ZMIZ1: variants seen among roughly 807,000 people sequenced by gnomAD.
The protein encoded by ZMIZ1 is zinc finger MIZ domain-containing protein 1.
Under a neutral mutation model 113.9 loss-of-function variants are expected in ZMIZ1, and 17 were observed. The observed-to-expected ratio is 0.15, with a 90% CI of 0.10 to 0.22. ZMIZ1 has a LOEUF of 0.22. Ranked by LOEUF, ZMIZ1 falls within the 10% of genes least tolerant of loss-of-function variation. ZMIZ1 has a pLI of 1.00. For synonymous variants in ZMIZ1, 607 were observed against 603.1 expected (o/e 1.01, Z -0.09); for missense variants, 1,059 against 1,477.8 (o/e 0.72, Z 4.65).
At chr10:79,311,820 A>G (rs1855189491) in intron 24 of ZMIZ1, among the ~76,000 whole-genome samples, 1 of 151,972 alleles carries the variant, frequency 6.6e-6, no homozygotes, top group South Asian at 2.1e-4. Flanking sequence ...GGGCTGCTGG[A>G]TGGGGCTGGC....
At chr10:79,082,084 G>A (rs570893079) in intron 1 of ZMIZ1, among the ~76,000 whole-genome samples, 2 of 152,358 alleles carry the variant, frequency 1.3e-5, no homozygotes, top group East Asian at 3.9e-4. Context: ...CTGGAGTAAG[G>A]CACAGGAGAG....
At chr10:79,265,047 C>T (rs1414935954) in intron 7 of ZMIZ1, among the ~76,000 whole-genome samples, 2 of 152,196 alleles carry the variant, frequency 1.3e-5, no homozygotes, top group African/African-American at 4.8e-5. Context: ...TGGGAAACAG[C>T]ACTGACAAAA....
At chr10:79,097,634 A>G (rs1350601352) in intron 1 of ZMIZ1, among the ~76,000 whole-genome samples, 2 of 152,228 alleles carry the variant, frequency 1.3e-5, no homozygotes, top group Admixed American at 6.5e-5. Flanking sequence ...TCAGATCACA[A>G]ACTTCTCAAT....
chr10:79,124,386 G>A (rs559663269), intron 2 of ZMIZ1, among the ~76,000 whole-genome samples: 1 of 152,342 alleles, frequency 6.6e-6, no homozygotes, highest in East Asian at 1.9e-4. Flanking sequence ...GGTCACACAG[G>A]TTATAGTGGA....
At chr10:79,309,189 C>T (rs1248240504) in intron 23 of ZMIZ1, among the ~76,000 whole-genome samples, 1 of 152,196 alleles carries the variant, frequency 6.6e-6, no homozygotes, top group Non-Finnish European at 1.5e-5. Flanking sequence ...ATGCTGCTGC[C>T]CCCACAGACT....
intron 1 of ZMIZ1, among the ~76,000 whole-genome samples, chr10:79,102,365 C>G (rs1240001642): frequency 6.6e-6 from 1 of 152,222 alleles, no homozygotes; most frequent in Non-Finnish European, 1.5e-5. Context: ...GGCTCAGCCC[C>G]CTCCTTCTGC....
At chr10:79,301,433 T>C (rs937941610) in intron 17 of ZMIZ1, among the ~76,000 whole-genome samples, 3 of 151,978 alleles carry the variant, frequency 2.0e-5, no homozygotes, top group Non-Finnish European at 4.4e-5. Context: ...TTCCAACCCG[T>C]GACTTGTTAC....
intron 1 of ZMIZ1, among the ~76,000 whole-genome samples, chr10:79,114,182 C>T (rs556431255): frequency 1.3e-5 from 2 of 152,226 alleles, no homozygotes; most frequent in Admixed American, 1.3e-4. Context: ...AGTGATCACT[C>T]TCCAGAAAAC....
chr10:79,279,920 C>T (rs1852601082), intron 8 of ZMIZ1, among the ~76,000 whole-genome samples: 1 of 151,964 alleles, frequency 6.6e-6, no homozygotes, highest in African/African-American at 2.4e-5. Flanking sequence ...CAGTACAGTC[C>T]AGCCTCGGCT....
intron 1 of ZMIZ1, among the ~76,000 whole-genome samples, chr10:79,077,505 G>A (rs1347900245): frequency 2.0e-5 from 3 of 151,526 alleles, no homozygotes; most frequent in South Asian, 2.1e-4. Context: ...GAGGGGTGGG[G>A]TTTTCCATCG....
At chr10:79,291,967 C>G (rs1363223312) in intron 10 of ZMIZ1, among the ~76,000 whole-genome samples, 191 bp from the exon 11 acceptor site, 1 of 152,192 alleles carries the variant, frequency 6.6e-6, no homozygotes, top group East Asian at 1.9e-4. Flanking sequence ...GCAGGCACCC[C>G]CAAGGGCTCC....
At chr10:79,175,996 TG>T (rs1846847094) in intron 4 of ZMIZ1, among the ~76,000 whole-genome samples, 1 of 151,994 alleles carries the variant, frequency 6.6e-6, no homozygotes, top group South Asian at 2.1e-4. Context: ...TCCCTGAAAA[TG>T]TGCCCTTTGT....
At chr10:79,175,611 T>TGC (rs1846814428) in intron 4 of ZMIZ1, among the ~76,000 whole-genome samples, 3 of 121,360 alleles carry the variant, frequency 2.5e-5, no homozygotes, top group Admixed American at 1.6e-4. Flanking sequence ...TGTGTGTGTG[T>TGC]GTGTGTGTGT....
At chr10:79,256,185 G>T (rs772439951) in intron 7 of ZMIZ1, among the ~76,000 whole-genome samples, 1 of 152,184 alleles carries the variant, frequency 6.6e-6, no homozygotes, top group Non-Finnish European at 1.5e-5. Flanking sequence ...ATACTAATGT[G>T]TGAGTGGCTA....
chr10:79,239,928 AGGCAGGCTCCGCAT>A (rs1849743995), intron 7 of ZMIZ1, among the ~76,000 whole-genome samples: 1 of 132,686 alleles, frequency 7.5e-6, no homozygotes, highest in African/African-American at 2.8e-5. Flanking sequence ...GGTCTTGCAG[AGGCAGGCTCCGCAT>A]GGCAGGCTCC....
intron 7 of ZMIZ1, among the ~76,000 whole-genome samples, chr10:79,225,125 A>T (rs1451004665): frequency 6.6e-6 from 1 of 152,220 alleles, no homozygotes; most frequent in Non-Finnish European, 1.5e-5. Flanking sequence ...GCAGAGTCCC[A>T]GTGCATGCAG....
At chr10:79,242,774 C>T (rs916393621) in intron 7 of ZMIZ1, among the ~76,000 whole-genome samples, 3 of 152,054 alleles carry the variant, frequency 2.0e-5, no homozygotes, top group Non-Finnish European at 4.4e-5. Context: ...ATTGCCTGGG[C>T]GGGGGAAGGA....
rs1397673914 is a variant in ZMIZ1 at position 79,208,069 on chromosome 10, GGGTGGGGGTGGAGGT to G, written c.61-253_61-239del. On this transcript the variant is annotated intron_variant, in intron 5 of 24. Coordinates refer to ENST00000334512, the MANE Select transcript of ZMIZ1 (RefSeq NM_020338.4). ...GGGATGGGGGTAGAGGTGGAGGTGAGGGTGGGGGTGGAGGTGGTGGGGGTGGAGTGGAGGTGGATC... is the reference window on the plus strand; with the variant it reads ...GGGATGGGGGTAGAGGTGGAGGTGAGGGTGGGGGTGGAGTGGAGGTGGATC... 1.8e-3 allele frequency among the ~76,000 whole-genome samples: 262 copies of G among 146,958 alleles called. 1 individual carries two copies. Among genetic ancestry groups the G allele is most frequent in the African/African-American group, 6.3e-3 (245 of 38,840 alleles).
chr10:79,215,510 G>C (rs956881045), intron 6 of ZMIZ1, among the ~76,000 whole-genome samples: 2 of 152,118 alleles, frequency 1.3e-5, no homozygotes, highest in Non-Finnish European at 1.5e-5. Flanking sequence ...TGTTGCCCAG[G>C]CTGGTCTCGA....
Sources: gnomAD v4.1 joint callset for allele counts (sites outside exome capture counted in the v4.1 genomes callset) on GRCh38, gnomAD v4.1.1 for gene constraint, MANE v1.5 for transcripts, NCBI Gene and HGNC (gene_info 2026-07-23, HGNC 2026-07-21) for gene names.